Variants in NLGN1 observed in about 807,000 individuals in gnomAD.
The protein encoded by NLGN1 is neuroligin 1.
NLGN1 carries 12 observed loss-of-function variants against 65.5 expected under a neutral mutation model. The ratio of observed to expected loss-of-function variants is 0.18; its 90% CI spans 0.12 to 0.30. The LOEUF (loss-of-function observed/expected upper bound fraction) is 0.30, where lower values mean the gene tolerates loss of function less well. Among genes scored for constraint, NLGN1 ranks in the 10% least tolerant of loss-of-function variants. The probability of loss-of-function intolerance (pLI) is 1.00; values close to 1 mark genes in which losing one functional copy is unlikely to be tolerated. For missense variants in NLGN1, 750 were observed against 1,007.1 expected (o/e 0.74, Z 3.46); for synonymous variants, 350 against 359.5 (o/e 0.97, Z 0.30).
In NLGN1 at chr3:174,148,260, T is replaced by G. The variant is rs192816772; in HGVS notation, c.647-127055T>G. 7.0e-4 allele frequency among the ~76,000 whole-genome samples: 106 copies of G among 152,314 alleles called. 1 individual carries two copies. The highest frequency in any genetic ancestry group is 2.4e-4 in the Non-Finnish European group (16 of 68,022). On this transcript the variant is annotated intron_variant, in intron 4 of 6. Coordinates refer to ENST00000457714, the Ensembl canonical transcript of NLGN1. ...TGAATGTGTTAGGTTTCTGTTCAGT[T>G]TTAGTAGCTTAGATTACACGTAAAA...
At chr3:174,265,990 G>GTA (rs1337224439) in intron 4 of NLGN1, among the ~76,000 whole-genome samples, 12 of 146,690 alleles carry the variant, frequency 8.2e-5, no homozygotes, top group Admixed American at 5.5e-4. Context: ...ATGTATATAT[G>GTA]TATATATATA....
Position 173,618,718 on chromosome 3 carries a change from G to A in NLGN1, c.493+13627G>A, listed in dbSNP as rs562089872. On this transcript the variant is annotated intron_variant, in intron 3 of 6. Transcript: ENST00000457714. The stretch of plus-strand genomic sequence containing the variant: ...TTAGATCACTGAGATAAATAGAGTG[G>A]CCAGTGGCTTTTCTAGTGGATGGTG... Among the ~76,000 whole-genome samples, 4 of 152,260 alleles carry A rather than the reference G, an allele frequency of 2.6e-5. No homozygotes were observed. In the East Asian group the frequency reaches 5.8e-4, roughly 22 times the overall value.
At chr3:173,690,142 T>C (rs939219426) in intron 3 of NLGN1, among the ~76,000 whole-genome samples, 3 of 152,196 alleles carry the variant, frequency 2.0e-5, no homozygotes, top group African/African-American at 7.2e-5. Context: ...GAGCCCATTT[T>C]ATAGGCGACA....
chr3:173,941,008 G>T (rs576548690), intron 4 of NLGN1, among the ~76,000 whole-genome samples: 3 of 152,082 alleles, frequency 2.0e-5, no homozygotes, highest in Non-Finnish European at 4.4e-5. Context: ...TAAATGTTAC[G>T]CTTGGTACAG....
chr3:173,685,807 G>A (rs1008891717), intron 3 of NLGN1: 3 of 985,000 alleles, frequency 3.0e-6, no homozygotes, highest in African/African-American at 3.5e-5. Context: ...CACAATGAGA[G>A]GGTTGAATGT....
intron 4 of NLGN1, among the ~76,000 whole-genome samples, chr3:173,964,930 T>A (rs1714475379): frequency 6.6e-6 from 1 of 152,210 alleles, no homozygotes; most frequent in Non-Finnish European, 1.5e-5. Flanking sequence ...GCTGTTCAGA[T>A]ATGAGATCTT....
chr3:173,510,367 CACTT>C (rs748364468), intron 2 of NLGN1, among the ~76,000 whole-genome samples: 15 of 152,268 alleles, frequency 9.9e-5, no homozygotes, highest in Non-Finnish European at 2.2e-4. Flanking sequence ...GATTAAATGA[CACTT>C]AGTAATATGG....
At chr3:173,496,600 CCTAT>C (rs1437817031) in intron 2 of NLGN1, among the ~76,000 whole-genome samples, 1 of 151,670 alleles carries the variant, frequency 6.6e-6, no homozygotes, top group East Asian at 1.9e-4. Context: ...TCATATTTAG[CCTAT>C]CTGTTAGCTT....
chr3:173,858,508 C>T (rs180774009), intron 4 of NLGN1, among the ~76,000 whole-genome samples: 18 of 151,924 alleles, frequency 1.2e-4, no homozygotes, highest in African/African-American at 3.4e-4. Context: ...TATTAGGGTG[C>T]CTTGCCATTT....
At chr3:173,742,717 T>C (rs1774836223) in intron 3 of NLGN1, among the ~76,000 whole-genome samples, 1 of 152,142 alleles carries the variant, frequency 6.6e-6, no homozygotes, top group Non-Finnish European at 1.5e-5. Context: ...CTACATTTCT[T>C]TTTTACTTTC....
intron 4 of NLGN1, among the ~76,000 whole-genome samples, chr3:174,268,320 A>G (rs1159124865): frequency 6.6e-6 from 1 of 152,144 alleles, no homozygotes; most frequent in African/African-American, 2.4e-5. Flanking sequence ...AGATGCATAT[A>G]GACAGGAAGT....
intron 4 of NLGN1, among the ~76,000 whole-genome samples, chr3:173,844,719 C>T (rs962978558): frequency 5.3e-5 from 8 of 152,162 alleles, no homozygotes; most frequent in Admixed American, 2.0e-4. Flanking sequence ...TCACTGTAGA[C>T]ATTTCTTGAA....
intron 3 of NLGN1, among the ~76,000 whole-genome samples, chr3:173,635,537 CTG>C (rs1204049879): frequency 6.6e-6 from 1 of 152,124 alleles, no homozygotes; most frequent in African/African-American, 2.4e-5. Context: ...ACTGTCTTAA[CTG>C]TATTTCCAGA....
At chr3:174,214,505 T>TA (rs1737252178) in intron 4 of NLGN1, among the ~76,000 whole-genome samples, 1 of 152,206 alleles carries the variant, frequency 6.6e-6, no homozygotes, top group Non-Finnish European at 1.5e-5. Context: ...AAATAATACT[T>TA]ATACCTTTAA....
At chr3:173,462,065 A>T (rs895036174) in intron 2 of NLGN1, among the ~76,000 whole-genome samples, 2 of 152,236 alleles carry the variant, frequency 1.3e-5, no homozygotes, top group African/African-American at 2.4e-5. Flanking sequence ...TGTAAGAGAA[A>T]TTAAGTAAAA....
intron 4 of NLGN1, among the ~76,000 whole-genome samples, chr3:174,101,690 C>T (rs1320147977): frequency 1.3e-5 from 2 of 152,074 alleles, no homozygotes; most frequent in Non-Finnish European, 1.5e-5. Flanking sequence ...TTTGTTTTTC[C>T]GCAGGCCCTC....
chr3:173,713,423 G>T (rs2149959550), intron 3 of NLGN1, among the ~76,000 whole-genome samples: 1 of 152,134 alleles, frequency 6.6e-6, no homozygotes, highest in African/African-American at 2.4e-5. Flanking sequence ...GTGCTGATGA[G>T]TTAGTGTGAT....
intron 4 of NLGN1, among the ~76,000 whole-genome samples, chr3:173,979,636 C>T (rs897741821): frequency 6.6e-6 from 1 of 152,138 alleles, no homozygotes; most frequent in Non-Finnish European, 1.5e-5. Context: ...TCTGGTATAA[C>T]ATTAATAGCA....
chr3:174,248,674 TCGCTTGAACTTAGGAGG>T (rs2152839806), intron 4 of NLGN1, among the ~76,000 whole-genome samples: 1 of 152,232 alleles, frequency 6.6e-6, no homozygotes, highest in East Asian at 1.9e-4. Context: ...GACACGAGAA[TCGCTTGAACTTAGGAGG>T]CAGAGGTTGC....
Sources: allele counts gnomAD v4.1 joint callset (sites outside exome capture counted in the v4.1 genomes callset), GRCh38; gene constraint gnomAD v4.1.1; transcripts MANE v1.5; gene names NCBI Gene and HGNC (gene_info 2026-07-23, HGNC 2026-07-21).